The following ME1 variants were observed in gnomAD, a reference collection of about 807,000 sequenced individuals.
The protein encoded by ME1 is NADP-dependent malic enzyme.
In ME1, 74 loss-of-function variants were observed where a neutral mutation model predicts 66.4. The ratio of observed to expected loss-of-function variants is 1.11; its 90% CI spans 0.92 to 1.35. The LOEUF is 1.35. ME1 is among the 40% of genes most tolerant of loss of function. ME1 has a pLI of 0.00. For synonymous variants in ME1, 251 were observed against 235.6 expected (o/e 1.07, Z -0.60); for missense variants, 750 against 694.1 (o/e 1.08, Z -0.90).
chr6:83,383,126 A>G lies in ME1; in HGVS notation c.362+15241T>C, dbSNP rs539341570. Among the ~76,000 whole-genome samples, 46 of 151,972 alleles carry G rather than the reference A, an allele frequency of 3.0e-4. 1 individual carries two copies. Among genetic ancestry groups the G allele is most frequent in the African/African-American group, 9.9e-4 (41 of 41,338 alleles). On this transcript the variant is annotated intron_variant, in intron 3 of 13. Coordinates refer to ENST00000369705, the MANE Select transcript of ME1 (RefSeq NM_002395.6). The stretch of plus-strand genomic sequence containing the variant: ...CCTTAAAATGTATACACACATACAT[A>G]TACACACATATACATACATACATAC...
At chr6:83,296,638 A>G (rs965815240) in intron 6 of ME1, among the ~76,000 whole-genome samples, 1 of 152,216 alleles carries the variant, frequency 6.6e-6, no homozygotes, top group African/African-American at 2.4e-5. Context: ...CACTACTCCT[A>G]TTAAACACAG....
rs1273194428 is a variant in ME1 at position 83,357,931 on chromosome 6, CTCTCTATATA to C, written c.363-5802_363-5793del. On this transcript the variant is annotated intron_variant, in intron 3 of 13. Coordinates refer to ENST00000369705, the MANE Select transcript of ME1 (RefSeq NM_002395.6). The stretch of plus-strand genomic sequence containing the variant: ...TCTCTCTCTCTCTCTCTCTCTCTCT[CTCTCTATATA>C]TATATATATATATATATATATATAT... Among the ~76,000 whole-genome samples, 141 of 51,716 alleles carry C rather than the reference CTCTCTATATA, an allele frequency of 2.7e-3. 1 individual carries two copies. The highest frequency in any genetic ancestry group is 3.4e-3 in the African/African-American group (52 of 15,428). The allele number at this position is 51,716 out of a possible 152,430, so 33.9% of individuals were successfully genotyped here.
intron 9 of ME1, among the ~76,000 whole-genome samples, chr6:83,232,050 C>A (rs1790318566): frequency 6.6e-6 from 1 of 151,992 alleles, no homozygotes; most frequent in African/African-American, 2.4e-5. Context: ...GCAAAGGCTG[C>A]CAAGATTTTG....
rs1342905722 is a variant in ME1 at position 83,230,136 on chromosome 6, TTGTTGTTGTTG to T, written c.1027-1216_1027-1206del. On this transcript the variant is annotated intron_variant, in intron 9 of 13. Transcript: ENST00000369705. ...CCACCATGCCAGGCTCTGTTTTTTT[TTGTTGTTGTTG>T]TTGTTGTTGTTGTTTTTAATTTTGT... Among the ~76,000 whole-genome samples the T allele has an allele frequency of 2.9e-5, 4 of 139,892 alleles. No homozygotes were observed. In the East Asian group the frequency reaches 9.7e-4, roughly 34 times the overall value. 91.8% of individuals were successfully genotyped at this position (139,892 alleles called of 152,430 possible).
At chr6:83,423,297 A>T (rs960469729) in intron 1 of ME1, among the ~76,000 whole-genome samples, 1 of 152,158 alleles carries the variant, frequency 6.6e-6, no homozygotes, top group Non-Finnish European at 1.5e-5. Flanking sequence ...ACATTCTCAG[A>T]GGAAGAAAAA....
intron 12 of ME1, among the ~76,000 whole-genome samples, chr6:83,222,926 A>C (rs1790120025): frequency 6.6e-6 from 1 of 152,150 alleles, no homozygotes; most frequent in Non-Finnish European, 1.5e-5. Context: ...GACAGAGCTC[A>C]CTTCTCCTAT....
At chr6:83,391,343 C>T (rs1445854749) in intron 3 of ME1, among the ~76,000 whole-genome samples, 2 of 152,142 alleles carry the variant, frequency 1.3e-5, no homozygotes, top group African/African-American at 2.4e-5. Context: ...AGGAAGCTTT[C>T]AGTCCAGCAG....
intron 6 of ME1, among the ~76,000 whole-genome samples, chr6:83,274,059 C>G (rs545429996): frequency 6.6e-6 from 1 of 152,166 alleles, no homozygotes; most frequent in East Asian, 1.9e-4. Flanking sequence ...CTCCTTTCCT[C>G]TGATGTGCTA....
At chr6:83,360,848 G>A (rs1396608816) in intron 3 of ME1, among the ~76,000 whole-genome samples, 2 of 152,236 alleles carry the variant, frequency 1.3e-5, no homozygotes, top group African/African-American at 4.8e-5. Flanking sequence ...ACCTGTACCA[G>A]ATGTGGTTTC....
intron 9 of ME1, among the ~76,000 whole-genome samples, chr6:83,233,849 G>T (rs1017583291): frequency 6.6e-6 from 1 of 151,826 alleles, no homozygotes; most frequent in Admixed American, 6.6e-5. Context: ...GTTATTCTAA[G>T]GCTTAGTTCT....
intron 9 of ME1, among the ~76,000 whole-genome samples, chr6:83,235,354 C>A (rs1790379604): frequency 6.6e-6 from 1 of 152,110 alleles, no homozygotes; most frequent in African/African-American, 2.4e-5. Flanking sequence ...TCTAGAACAA[C>A]ACCCGATCCA....
At chr6:83,427,869 G>T (rs535713440) in intron 1 of ME1, among the ~76,000 whole-genome samples, 2 of 152,108 alleles carry the variant, frequency 1.3e-5, no homozygotes, top group Admixed American at 6.5e-5. Flanking sequence ...GAAATTAGCT[G>T]GGCATAGTGG....
chr6:83,376,804 C>CCAAAAAAAAA (rs768668584), intron 3 of ME1, among the ~76,000 whole-genome samples: 1 of 87,126 alleles, frequency 1.1e-5, no homozygotes, highest in African/African-American at 3.9e-5. Context: ...CCCTGTCTCA[C>CCAAAAAAAAA]AAAAAAAAAA....
intron 6 of ME1, among the ~76,000 whole-genome samples, chr6:83,304,659 A>G (rs1168220579): frequency 6.6e-6 from 1 of 152,204 alleles, no homozygotes; most frequent in Non-Finnish European, 1.5e-5. Context: ...TAATCACTAC[A>G]TATTGGTAAA....
chr6:83,281,484 G>A (rs1004790183), intron 6 of ME1, among the ~76,000 whole-genome samples: 5 of 152,038 alleles, frequency 3.3e-5, no homozygotes, highest in Non-Finnish European at 5.9e-5. Context: ...AGGGCTTACT[G>A]AAAATGTCAA....
chr6:83,216,963 AGAG>A (rs949661261), intron 12 of ME1, among the ~76,000 whole-genome samples: 4 of 152,250 alleles, frequency 2.6e-5, no homozygotes, highest in Admixed American at 2.6e-4. Context: ...TCCTGAAAGC[AGAG>A]GAGGACAGCT....
intron 5 of ME1, among the ~76,000 whole-genome samples, chr6:83,334,281 G>C (rs556474667): frequency 2.9e-5 from 4 of 135,782 alleles, no homozygotes; most frequent in South Asian, 2.6e-4. Context: ...GGCGCACCAC[G>C]AGACTATATC....
intron 5 of ME1, among the ~76,000 whole-genome samples, chr6:83,326,969 T>C (rs1768304440): frequency 6.6e-6 from 1 of 152,196 alleles, no homozygotes; most frequent in African/African-American, 2.4e-5. Context: ...AGAACGTGGA[T>C]TGTGAAGATT....
intron 3 of ME1, among the ~76,000 whole-genome samples, chr6:83,360,472 T>C (rs1768987863): frequency 6.6e-6 from 1 of 152,174 alleles, no homozygotes; most frequent in African/African-American, 2.4e-5. Context: ...GTCCCTGGAC[T>C]CATCCTATGG....
Sources: allele counts gnomAD v4.1 joint callset (sites outside exome capture counted in the v4.1 genomes callset), GRCh38; gene constraint gnomAD v4.1.1; transcripts MANE v1.5; gene names NCBI Gene and HGNC (gene_info 2026-07-23, HGNC 2026-07-21).